ZNF484: variants seen among roughly 807,000 people sequenced by gnomAD.
ZNF484 encodes zinc finger protein 484.
In ZNF484, 11 loss-of-function variants were observed where a neutral mutation model predicts 12.9. The observed-to-expected ratio is 0.85, with a 90% CI of 0.54 to 1.41. The LOEUF (loss-of-function observed/expected upper bound fraction) is 1.41, where lower values mean the gene tolerates loss of function less well. Ranked by LOEUF, ZNF484 falls within the 40% of genes most tolerant of loss-of-function variation. The pLI, the probability that ZNF484 is intolerant of heterozygous loss-of-function variation, is 0.00. For synonymous variants in ZNF484, 289 were observed against 334.1 expected, an observed-to-expected ratio of 0.86 and a Z score of 1.47; for missense variants, 807 against 1,007.7, an observed-to-expected ratio of 0.80 and a Z score of 2.70.
At chr9:92,863,724 G>A (rs988111031) in intron 2 of ZNF484, among the ~76,000 whole-genome samples, 3 of 152,158 alleles carry the variant, frequency 2.0e-5, no homozygotes, top group Non-Finnish European at 4.4e-5. Context: ...TGGAGAAAGG[G>A]AACCAGATGA....
rs201412905 is a variant in ZNF484, at chr9:92,846,611, C to A, written c.2176G>T (p.Gly726Trp). Reference protein sequence around the residue: ...GEKPYICNECGKSFIQKSHLN... With the variant: ...GEKPYICNECWKSFIQKSHLN... ...TGTGACTTCTGGATGAAGGATTTCC[C>A]ACATTCATTACAAATATAGGGTTTC... Residue 726 changes from glycine (G) to tryptophan (W), a missense_variant, in exon 5 of 5, where the codon GGG becomes TGG. Transcript: ENST00000375495. 1 of 1,613,762 alleles carries A rather than the reference C, an allele frequency of 6.2e-7. No homozygotes were observed. The highest frequency in any genetic ancestry group is 1.3e-5 in the African/African-American group (1 of 74,972).
rs764526442 is a variant in ZNF484, at chr9:92,847,532, T to G, written c.1255A>C (p.Lys419Gln). The G allele has an allele frequency of 9.3e-6, 15 of 1,613,722 alleles. No homozygotes were observed. The highest frequency in any genetic ancestry group is 1.3e-5 in the Non-Finnish European group (15 of 1,179,902). Residue 419 changes from lysine to glutamine, a missense_variant, in exon 5 of 5, where the codon AAG becomes CAG. Transcript: ENST00000375495. ...EKPYVCTECG[K>Q]AFIRKSHFIT... ...AAATGTGACTTCCGGATAAAGGCCT[T>G]CCCACATTCAGTACATACATAAGGT...
At chr9:92,877,400 C>G (rs979349584) in intron 1 of ZNF484, among the ~76,000 whole-genome samples, 1 of 151,684 alleles carries the variant, frequency 6.6e-6, no homozygotes, top group Non-Finnish European at 1.5e-5. Flanking sequence ...ATATAATAAC[C>G]GTAATGATAA....
At chr9:92,876,435 A>G (rs751989745) in intron 1 of ZNF484, among the ~76,000 whole-genome samples, 1 of 152,238 alleles carries the variant, frequency 6.6e-6, no homozygotes, top group Non-Finnish European at 1.5e-5. Context: ...ATTGGATTTG[A>G]AAAAAGCAAA....
At chr9:92,854,716 C>A (rs1044870128) in intron 4 of ZNF484, among the ~76,000 whole-genome samples, 1 of 151,806 alleles carries the variant, frequency 6.6e-6, no homozygotes, top group Non-Finnish European at 1.5e-5. Context: ...AACTCCATCT[C>A]AGAAAAAAAT....
intron 2 of ZNF484, among the ~76,000 whole-genome samples, chr9:92,866,758 T>C (rs540279362): frequency 1.3e-5 from 2 of 152,236 alleles, no homozygotes; most frequent in South Asian, 2.1e-4. Flanking sequence ...CCAGCAATGA[T>C]AGACTAGATA....
intron 2 of ZNF484, 59 bp from the exon 3 acceptor site, chr9:92,856,377 A>C: frequency 1.7e-6 from 2 of 1,196,768 alleles, no homozygotes; most frequent in South Asian, 3.5e-5. Flanking sequence ...TTTGAATTCA[A>C]AAAAAAAAAC....
chr9:92,847,206 G>C lies in ZNF484; in HGVS notation c.1581C>G (p.Ser527Arg). ...TCCAGGTGAATGATTTTCCACAGTC[G>C]CTGCATTTATAAGGTTTCTCTCCAG... ...IHTGEKPYKC[S>R]DCGKSFTWKS... Residue 527 changes from serine (S) to arginine (R), a missense_variant, in exon 5 of 5, where the codon AGC (serine) becomes AGG (arginine). Transcript: ENST00000375495. 1 of 1,613,430 alleles carries C rather than the reference G, an allele frequency of 6.2e-7. No individual in the cohort carries two copies. Among genetic ancestry groups the C allele is most frequent in the African/African-American group, 1.3e-5 (1 of 74,824 alleles).
rs1855782978 is a variant in ZNF484 at position 92,847,941 on chromosome 9, A to G, written c.846T>C (p.His282=). 1 of 1,614,218 alleles carries G rather than the reference A, an allele frequency of 6.2e-7. No homozygotes were observed. Among genetic ancestry groups the G allele is most frequent in the South Asian group, 1.1e-5 (1 of 91,082 alleles). The change falls in exon 5 of 5, where the codon CAT becomes CAC. Residue 282 remains histidine, a synonymous_variant. Transcript: ENST00000375495. ...ICAEEKQHEC[H]ECEAVFTQKS... The stretch of plus-strand genomic sequence containing the variant: ...TCTGAGTGAAGACTGCCTCACATTC[A>G]TGGCATTCATGCTGCTTTTCTTCAG...
Position 92,846,994 on chromosome 9 carries a change from T to C in ZNF484, c.1793A>G (p.His598Arg), listed in dbSNP as rs1855665196. 3.7e-6 allele frequency: 6 copies of C among 1,614,158 alleles called. No homozygotes were observed. In the South Asian group the frequency reaches 6.6e-5, roughly 18 times the overall value. Residue 598 changes from histidine to arginine, a missense_variant, in exon 5 of 5, where the codon CAT becomes CGT. Coordinates refer to ENST00000375495, the MANE Select transcript of ZNF484 (RefSeq NM_031486.4). ...AFFHKSHFIT[H>R]ERIHTGEKPY... ...TTTCTCTCCAGTATGAATTCTCTCA[T>C]GTGTAATAAAATGGGATTTGTGGAA...
At position 92,858,676 on chromosome 9, in the gene ZNF484, T is replaced by C. The variant is rs369555327; in HGVS notation, c.16-2358A>G. Among the ~76,000 whole-genome samples the C allele has an allele frequency of 1.5e-4, 23 of 152,150 alleles. 1 individual carries two copies. The East Asian group carries it at 4.4e-3, about 29-fold the overall frequency. ...TGTTTTATAAAGTATCCTAGCATTATTAAGGAGATAAAATAGTAAGTTCAA... is the reference window on the plus strand; with the variant it reads ...TGTTTTATAAAGTATCCTAGCATTACTAAGGAGATAAAATAGTAAGTTCAA... On this transcript the variant is annotated intron_variant, in intron 2 of 4. Transcript: ENST00000375495.
At position 92,877,919 on chromosome 9, in the gene ZNF484, G is replaced by T; in HGVS notation, c.-60C>A. On this transcript the variant is annotated 5_prime_UTR_variant, in exon 1 of 5. The change creates a new upstream start codon in the 5' untranslated region. Coordinates refer to ENST00000375495, the MANE Select transcript of ZNF484 (RefSeq NM_031486.4). ...CCCTCACCCACGTCCTCTCAGGACA[G>T]TGGTCATTTGCCTCGGGAGGTGACT... The T allele has an allele frequency of 1.1e-5, 17 of 1,520,574 alleles. No homozygotes were observed. Among genetic ancestry groups the T allele is most frequent in the Non-Finnish European group, 1.5e-5 (17 of 1,133,748 alleles). 94.2% of individuals were successfully genotyped at this position (1,520,574 alleles called of 1,614,324 possible).
At chr9:92,849,086 A>G (rs756686689) in intron 4 of ZNF484, among the ~76,000 whole-genome samples, 7 of 151,998 alleles carry the variant, frequency 4.6e-5, no homozygotes, top group African/African-American at 1.7e-4. Flanking sequence ...ACATGGAGAA[A>G]CCTCATCTCT....
At chr9:92,863,417 C>T (rs935048917) in intron 2 of ZNF484, among the ~76,000 whole-genome samples, 2 of 151,840 alleles carry the variant, frequency 1.3e-5, no homozygotes, top group African/African-American at 4.8e-5. Context: ...TACCCTAGAA[C>T]TTAAAATAAA....
Position 92,847,888 on chromosome 9 carries a change from A to G in ZNF484, c.899T>C (p.Val300Ala), listed in dbSNP as rs139080322. The G allele has an allele frequency of 8.7e-6, 14 of 1,613,966 alleles. No individual in the cohort carries two copies. The highest frequency in any genetic ancestry group is 1.2e-5 in the Non-Finnish European group (14 of 1,180,034). Residue 300 changes from valine to alanine, a missense_variant, in exon 5 of 5, where the codon GTT (valine) becomes GCT (alanine). Transcript: ENST00000375495. ...QKSQLDGSQR[V>A]YAGICTEYEK... is the part of the protein sequence containing the mutation. The stretch of plus-strand genomic sequence containing the variant: ...ATATTCAGTGCATATTCCTGCATAA[A>G]CCCTCTGACTGCCATCAAGCTGGGA...
chr9:92,876,925 T>C (rs1019616374), intron 1 of ZNF484, among the ~76,000 whole-genome samples: 1 of 152,198 alleles, frequency 6.6e-6, no homozygotes, highest in Non-Finnish European at 1.5e-5. Context: ...ATATAATTTT[T>C]CTTTTATATC....
At chr9:92,872,163 G>A (rs574833569) in intron 2 of ZNF484, among the ~76,000 whole-genome samples, 1 of 151,342 alleles carries the variant, frequency 6.6e-6, no homozygotes, top group East Asian at 2.0e-4. Context: ...CCCGGAAGGC[G>A]GAGGTTGCAG....
chr9:92,861,197 T>C (rs908549226), intron 2 of ZNF484, among the ~76,000 whole-genome samples: 1 of 152,130 alleles, frequency 6.6e-6, no homozygotes, highest in Non-Finnish European at 1.5e-5. Context: ...AATAGAGGAT[T>C]TGAAGAGAAA....
rs774586329 is a variant in ZNF484, at chr9:92,846,375, A to G, written c.2412T>C (p.Tyr804=). Residue 804 remains tyrosine (Y), a synonymous_variant, in exon 5 of 5, where the codon TAT becomes TAC. Transcript: ENST00000375495. ...AGGCTTTCCCCAAGTCACTGCACTT[A>G]TAGGGTTTCTGTTTAGTATGAATTT... ...HQKIHTKQKP[Y]KCSDLGKALN... 9.3e-6 allele frequency: 15 copies of G among 1,614,144 alleles called. No homozygotes were observed. In the Admixed American group the frequency reaches 2.5e-4, roughly 27 times the overall value.
Sources: gnomAD v4.1 joint callset for allele counts (sites outside exome capture counted in the v4.1 genomes callset) on GRCh38, gnomAD v4.1.1 for gene constraint, MANE v1.5 for transcripts, NCBI Gene and HGNC (gene_info 2026-07-23, HGNC 2026-07-21) for gene names.